The following ADAM17 variants were observed in gnomAD, a reference collection of about 807,000 sequenced individuals.
ADAM17 encodes ADAM metallopeptidase domain 17, also known as disintegrin and metalloproteinase domain-containing protein 17.
In ADAM17, 39 loss-of-function variants were observed where a neutral mutation model predicts 96.7. The ratio of observed to expected loss-of-function variants is 0.40; its 90% CI spans 0.31 to 0.53. The LOEUF (loss-of-function observed/expected upper bound fraction) is 0.53, where lower values mean the gene tolerates loss of function less well. Among genes scored for constraint, ADAM17 ranks in the 20% least tolerant of loss-of-function variants. The pLI, the probability that ADAM17 is intolerant of heterozygous loss-of-function variation, is 0.44. For missense variants in ADAM17, 777 were observed against 1,013.2 expected (o/e 0.77, Z 3.17); for synonymous variants, 344 against 359.2 (o/e 0.96, Z 0.48).
At chr2:9,532,680 G>T (rs964749959) in intron 4 of ADAM17, among the ~76,000 whole-genome samples, 15 of 142,242 alleles carry the variant, frequency 1.1e-4, no homozygotes, top group African/African-American at 4.1e-4. Flanking sequence ...TAGAGACAAG[G>T]TCTCCCTATA....
chr2:9,488,611 T>C lies in ADAM17; in HGVS notation c.*1566A>G, dbSNP rs1661781089. 7.9e-6 allele frequency: 2 copies of C among 253,198 alleles called. No homozygotes were observed. The highest frequency in any genetic ancestry group is 2.2e-5 in the African/African-American group (1 of 44,936). 15.7% of individuals were successfully genotyped at this position (253,198 alleles called of 1,614,324 possible). On this transcript the variant is annotated 3_prime_UTR_variant, in exon 19 of 19. Transcript: ENST00000310823. Reference sequence around the variant, plus strand: ...TTAAAAAGTCACAATTTTATAAAAATGGTTTTTCTTACATTCTTTTGAGAA... The same window carrying C: ...TTAAAAAGTCACAATTTTATAAAAACGGTTTTTCTTACATTCTTTTGAGAA...
chr2:9,512,820 G>A (rs1161411546), intron 10 of ADAM17, among the ~76,000 whole-genome samples: 2 of 152,046 alleles, frequency 1.3e-5, no homozygotes, highest in Admixed American at 1.3e-4. Flanking sequence ...CAAAAAACAG[G>A]ATTCAGAGAG....
chr2:9,530,629 T>C (rs1325211969), intron 4 of ADAM17, among the ~76,000 whole-genome samples: 3 of 152,128 alleles, frequency 2.0e-5, no homozygotes, highest in Non-Finnish European at 4.4e-5. Flanking sequence ...CCAAAAAAAA[T>C]CTACAAAGGA....
At chr2:9,494,574 G>A (rs1662415764) in intron 15 of ADAM17, 63 bp downstream of exon 15, 1 of 1,584,730 alleles carries the variant, frequency 6.3e-7, no homozygotes. Context: ...GCAAAATCAA[G>A]TACTTACAAA....
At chr2:9,533,747 T>C (rs1037633608) in intron 4 of ADAM17, among the ~76,000 whole-genome samples, 1 of 152,156 alleles carries the variant, frequency 6.6e-6, no homozygotes, top group African/African-American at 2.4e-5. Context: ...GCCTGGCCCT[T>C]AATATCCTGT....
rs1572897958 is a variant in ADAM17 at position 9,502,175 on chromosome 2, GT to G, written c.1645del (p.Thr549GlnfsTer76). The G allele has an allele frequency of 6.2e-7, 1 of 1,613,480 alleles. No homozygotes were observed. The highest frequency in any genetic ancestry group is 8.5e-7 in the Non-Finnish European group (1 of 1,179,506). On this transcript the variant is annotated frameshift_variant, in exon 13 of 19. Transcript: ENST00000310823. LOFTEE classifies it high-confidence loss of function. ...AAGGAAGCAACAAGAACACGAACCT[GT>G]GCAGTAGGACACGCCTTTGCAAGTA... ...NATCKGVSYC[T>X]GNSSECPPPG...
At chr2:9,499,623 CGATCTCCT>C (rs1662881634) in intron 13 of ADAM17, among the ~76,000 whole-genome samples, 1 of 152,034 alleles carries the variant, frequency 6.6e-6, no homozygotes, top group Non-Finnish European at 1.5e-5. Context: ...AGGATGGTCT[CGATCTCCT>C]GATCTCGTGA....
intron 1 of ADAM17, among the ~76,000 whole-genome samples, chr2:9,546,355 A>G (rs1665403610): frequency 6.6e-6 from 1 of 152,208 alleles, no homozygotes; most frequent in African/African-American, 2.4e-5. Flanking sequence ...TAATAACTGG[A>G]TATCTCAAAT....
chr2:9,535,925 TA>T lies in ADAM17; in HGVS notation c.362-4del. 1 of 1,526,724 alleles carries T rather than the reference TA, an allele frequency of 6.5e-7. No homozygotes were observed. Among genetic ancestry groups the T allele is most frequent in the South Asian group, 1.3e-5 (1 of 75,646 alleles). 94.6% of individuals were successfully genotyped at this position (1,526,724 alleles called of 1,614,324 possible). On this transcript the variant is annotated splice_polypyrimidine_tract_variant and splice_region_variant and intron_variant, in intron 3 of 18. Transcript: ENST00000310823. Reference sequence around the variant, plus strand: ...TAGAACCCTAGAGTCAGGCTCACCTTAAGAGAAAAAAAAAATTATTATTTAA... The same window carrying T: ...TAGAACCCTAGAGTCAGGCTCACCTTAGAGAAAAAAAAAATTATTATTTAA...
At chr2:9,501,574 C>G (rs914555528) in intron 13 of ADAM17, among the ~76,000 whole-genome samples, 8 of 152,196 alleles carry the variant, frequency 5.3e-5, no homozygotes, top group Admixed American at 3.3e-4. Context: ...TATAACTAAA[C>G]AATATGTAGG....
intron 2 of ADAM17, among the ~76,000 whole-genome samples, chr2:9,541,668 C>A (rs1880439): frequency 0.14 from 21,742 of 152,244 alleles, 1,643 homozygotes; most frequent in Non-Finnish European, 0.16. Context: ...TTTGCATATC[C>A]TCCATGGCTT....
chr2:9,532,411 T>A (rs1218034523), intron 4 of ADAM17, among the ~76,000 whole-genome samples: 2 of 152,154 alleles, frequency 1.3e-5, no homozygotes. Flanking sequence ...CAATAAACAT[T>A]ATTAATTTCA....
intron 4 of ADAM17, among the ~76,000 whole-genome samples, chr2:9,530,134 T>C (rs1664680719): frequency 6.6e-6 from 1 of 152,200 alleles, no homozygotes; most frequent in Non-Finnish European, 1.5e-5. Context: ...GTTACAGAAT[T>C]TCAGGGTTGG....
At chr2:9,527,711 A>G in intron 5 of ADAM17, 75 bp downstream of exon 5, 45 of 1,056,092 alleles carry the variant, frequency 4.3e-5, no homozygotes, top group Non-Finnish European at 5.6e-5. Context: ...ATTTTTTAAC[A>G]AATAACAACC....
intron 12 of ADAM17, among the ~76,000 whole-genome samples, chr2:9,504,064 CTGAT>C (rs1663210041): frequency 6.6e-6 from 1 of 151,550 alleles, no homozygotes; most frequent in Non-Finnish European, 1.5e-5. Flanking sequence ...GGTGGAAGGA[CTGAT>C]TGAGCCTGGG....
Position 9,555,763 on chromosome 2 carries a change from G to C in ADAM17, c.-158C>G. On this transcript the variant is annotated 5_prime_UTR_variant, in exon 1 of 19. Transcript: ENST00000310823. Reference sequence around the variant, plus strand: ...GCCTACTGGGAAGATTCTACCGCCAGGCTCGACGCCCCCAGAAGTGCAGGT... The same window carrying C: ...GCCTACTGGGAAGATTCTACCGCCACGCTCGACGCCCCCAGAAGTGCAGGT... 1 of 561,094 alleles carries C rather than the reference G, an allele frequency of 1.8e-6. No individual in the cohort carries two copies. Among genetic ancestry groups the C allele is most frequent in the South Asian group, 3.6e-5 (1 of 27,428 alleles). The allele number at this position is 561,094 out of a possible 1,614,324, so 34.8% of individuals were successfully genotyped here. A position where few individuals can be genotyped will look rare whatever the true frequency, so the allele number is the denominator to read the frequency against.
At chr2:9,497,290 G>A (rs1662686803) in intron 13 of ADAM17, 42 bp from the exon 14 acceptor site, 20 of 1,610,742 alleles carry the variant, frequency 1.2e-5, no homozygotes, top group Non-Finnish European at 1.6e-5. Flanking sequence ...ATGAGTCACA[G>A]GTCCACCAGT....
intron 3 of ADAM17, among the ~76,000 whole-genome samples, chr2:9,536,441 T>A (rs1395051149): frequency 1.3e-5 from 2 of 152,222 alleles, no homozygotes; most frequent in Non-Finnish European, 2.9e-5. Context: ...AAAGAAAGGT[T>A]AAATTCCTAT....
intron 17 of ADAM17, 91 bp downstream of exon 17, chr2:9,492,807 A>G (rs1193622646): frequency 1.8e-6 from 2 of 1,129,150 alleles, no homozygotes; most frequent in Admixed American, 3.1e-5. Context: ...AACTTTGCTA[A>G]GAACAAGTTT....
Sources: allele counts gnomAD v4.1 joint callset (sites outside exome capture counted in the v4.1 genomes callset), GRCh38; gene constraint gnomAD v4.1.1; transcripts MANE v1.5; gene names NCBI Gene and HGNC (gene_info 2026-07-23, HGNC 2026-07-21).